FBXO32: variants seen among roughly 807,000 people sequenced by gnomAD.
The protein encoded by FBXO32 is F-box protein 32.
A neutral mutation model predicts 48.3 loss-of-function variants in FBXO32; 15 were observed. The observed-to-expected ratio is 0.31, with a 90% CI of 0.21 to 0.48. The LOEUF is 0.48. FBXO32 is among the 20% of genes least tolerant of loss of function. The probability of loss-of-function intolerance (pLI) is 0.99; values close to 1 mark genes in which losing one functional copy is unlikely to be tolerated. For missense variants in FBXO32, 309 were observed against 432.7 expected (o/e 0.71, Z 2.54); for synonymous variants, 154 against 165.9 (o/e 0.93, Z 0.55).
At chr8:123,533,914 G>A (rs1056303490) in intron 2 of FBXO32, among the ~76,000 whole-genome samples, 4 of 152,100 alleles carry the variant, frequency 2.6e-5, no homozygotes, top group Non-Finnish European at 2.9e-5. Context: ...GCAACATGGC[G>A]AAACCCTGTC....
rs369682668 is a variant in FBXO32 at position 123,534,817 on chromosome 8, A to G, written c.117-3T>C. On this transcript the variant is annotated splice_polypyrimidine_tract_variant and splice_region_variant and intron_variant, in intron 1 of 8. Coordinates refer to ENST00000517956, the MANE Select transcript of FBXO32 (RefSeq NM_058229.4). ...TGTATACCTCCTTGTTGCAGTAACT[A>G]TGAATAACAGAAGACAAAGAGGATG... The G allele has an allele frequency of 1.3e-5, 21 of 1,588,482 alleles. No homozygotes were observed. In the African/African-American group the frequency reaches 2.4e-4, roughly 18 times the overall value.
intron 1 of FBXO32, among the ~76,000 whole-genome samples, chr8:123,535,172 G>A (rs1175916814): frequency 2.6e-5 from 4 of 152,008 alleles, no homozygotes; most frequent in Non-Finnish European, 5.9e-5. Context: ...GGGGAGGGGT[G>A]ATTACTGGTA....
At position 123,513,369 on chromosome 8, in the gene FBXO32, C is replaced by A; in HGVS notation, c.480G>T (p.Gln160His). Residue 160 changes from glutamine to histidine, a missense_variant, in exon 6 of 9, where the codon CAG becomes CAT. Physicochemically the swap from Gln to His is conservative, Grantham distance 24 (BLOSUM62 0). Coordinates refer to ENST00000517956, the MANE Select transcript of FBXO32 (RefSeq NM_058229.4). The surrounding 1 kb of genome is among the most constrained non-coding windows in gnomAD (Gnocchi z 4.3). ...EKVVLKVLED[Q>H]QNIRLIRELL... Reference sequence around the variant, plus strand: ...GTTCCCTTATTAGTCTAATGTTTTGCTGGTCTTCAAGGACTTGAGTAGGGA... The same window carrying A: ...GTTCCCTTATTAGTCTAATGTTTTGATGGTCTTCAAGGACTTGAGTAGGGA... 2.5e-6 allele frequency: 4 copies of A among 1,613,818 alleles called. No individual in the cohort carries two copies. The highest frequency in any genetic ancestry group is 3.4e-6 in the Non-Finnish European group (4 of 1,179,782).
chr8:123,534,649 A>G (rs1817276075), intron 2 of FBXO32, 53 bp downstream of exon 2: 1 of 1,199,482 alleles, frequency 8.3e-7, no homozygotes, highest in African/African-American at 1.5e-5. Flanking sequence ...CCAAGAACCA[A>G]TCATAACTAT....
chr8:123,536,067 C>T (rs933196986), intron 1 of FBXO32, among the ~76,000 whole-genome samples: 1 of 152,140 alleles, frequency 6.6e-6, no homozygotes, highest in Middle Eastern at 3.2e-3. Context: ...AGTAGCACTT[C>T]GGTTAGTATA....
At chr8:123,516,810 TA>T (rs1816848741) in intron 4 of FBXO32, among the ~76,000 whole-genome samples, 1 of 151,992 alleles carries the variant, frequency 6.6e-6, no homozygotes, top group Admixed American at 6.6e-5. Context: ...TTGTTGCAAT[TA>T]GTACTGGTGA....
rs1178527213 is a variant in FBXO32, at chr8:123,530,899, G to A, written c.372+999C>T. Among the ~76,000 whole-genome samples, 7 of 149,834 alleles carry A rather than the reference G, an allele frequency of 4.7e-5. No individual in the cohort carries two copies. The East Asian group carries it at 1.4e-3, about 30-fold the overall frequency. Reference sequence around the variant, plus strand: ...CCCAAAGTGCTGGGATTACAGGCGTGAGCCAATGCACCCAGCCTTTTTTTT... The same window carrying A: ...CCCAAAGTGCTGGGATTACAGGCGTAAGCCAATGCACCCAGCCTTTTTTTT... On this transcript the variant is annotated intron_variant, in intron 4 of 8. Transcript: ENST00000517956.
chr8:123,524,218 C>A (rs1199552653), intron 4 of FBXO32, among the ~76,000 whole-genome samples: 1 of 152,152 alleles, frequency 6.6e-6, no homozygotes, highest in African/African-American at 2.4e-5. Context: ...TTTCAGGTGG[C>A]CTCCTTTTTC....
At position 123,498,820 on chromosome 8, in the gene FBXO32, A is replaced by T. The variant is rs1377309463; in HGVS notation, c.*4553T>A. ...TGTCAAAATATGCTGCTTTCTTTAT[A>T]GCAAGCAGGTTGTACTCACTGGAAT... On this transcript the variant is annotated 3_prime_UTR_variant, in exon 9 of 9. Coordinates refer to ENST00000517956, the MANE Select transcript of FBXO32 (RefSeq NM_058229.4). The T allele has an allele frequency of 6.6e-6, 1 of 152,244 alleles. No homozygotes were observed. Among genetic ancestry groups the T allele is most frequent in the East Asian group, 1.9e-4 (1 of 5,204 alleles). 9.4% of individuals were successfully genotyped at this position (152,244 alleles called of 1,614,324 possible). A position where few individuals can be genotyped will look rare whatever the true frequency, so the allele number is the denominator to read the frequency against.
At chr8:123,518,050 A>G (rs1816875171) in intron 4 of FBXO32, among the ~76,000 whole-genome samples, 1 of 152,162 alleles carries the variant, frequency 6.6e-6, no homozygotes, top group African/African-American at 2.4e-5. Context: ...ATGAGTGGGC[A>G]TGGGTGTATT....
intron 1 of FBXO32, 88 bp from the exon 2 acceptor site, chr8:123,534,902 GACAA>G (rs1817281147): frequency 1.4e-6 from 1 of 740,580 alleles, no homozygotes; most frequent in South Asian, 2.0e-5. Context: ...TGAGTTATAA[GACAA>G]ACAAACATAC....
At chr8:123,529,229 C>T (rs1284516740) in intron 4 of FBXO32, among the ~76,000 whole-genome samples, 1 of 152,190 alleles carries the variant, frequency 6.6e-6, no homozygotes, top group African/African-American at 2.4e-5. Flanking sequence ...GCAAAGCGCT[C>T]ATGATGTATT....
chr8:123,537,065 GTTTA>G (rs1817322982), intron 1 of FBXO32, among the ~76,000 whole-genome samples: 1 of 152,298 alleles, frequency 6.6e-6, no homozygotes, highest in African/African-American at 2.4e-5. Context: ...GGGCTATGGG[GTTTA>G]TTTGTGTTGC....
In FBXO32 at chr8:123,502,160, C is replaced by T. The variant is rs3739284; in HGVS notation, c.*1213G>A. 95,794 of 152,102 alleles carry T rather than the reference C, an allele frequency of 0.63. 33,453 individuals carry two copies. Among genetic ancestry groups the T allele is most frequent in the South Asian group, 0.8 (3,842 of 4,822 alleles). 9.4% of individuals were successfully genotyped at this position (152,102 alleles called of 1,614,324 possible). On this transcript the variant is annotated 3_prime_UTR_variant, in exon 9 of 9. Coordinates refer to ENST00000517956, the MANE Select transcript of FBXO32 (RefSeq NM_058229.4). ...ATCACCTTTGCAAAAAGCCCTAGCT[C>T]AGATGGACTCATTTTGATGTTGGAC...
Position 123,525,203 on chromosome 8 carries a change from A to G in FBXO32, c.372+6695T>C, listed in dbSNP as rs1229785018. On this transcript the variant is annotated intron_variant, in intron 4 of 8. Coordinates refer to ENST00000517956, the MANE Select transcript of FBXO32 (RefSeq NM_058229.4). This position sits in a 1 kb window ranked among gnomAD's most constrained non-coding sequence, Gnocchi z 4.3. ...TTTCAGGGGTGGTAGGAATGCAGTA[A>G]CTTGCTGGAAACATTCAAATGCACT... Among the ~76,000 whole-genome samples, 1 of 152,228 alleles carries G rather than the reference A, an allele frequency of 6.6e-6. No individual in the cohort carries two copies. The highest frequency in any genetic ancestry group is 2.4e-5 in the African/African-American group (1 of 41,462).
intron 8 of FBXO32, 98 bp downstream of exon 8, chr8:123,504,505 GA>G (rs1208244989): frequency 8.8e-7 from 1 of 1,137,148 alleles, no homozygotes; most frequent in Admixed American, 2.9e-5. Context: ...CTGTGATGGG[GA>G]AGAGGCGGAA....
intron 4 of FBXO32, among the ~76,000 whole-genome samples, chr8:123,519,134 T>G (rs1816897669): frequency 6.6e-6 from 1 of 152,172 alleles, no homozygotes; most frequent in African/African-American, 2.4e-5. Flanking sequence ...AGAACATATA[T>G]TCTGACAGTT....
Position 123,498,683 on chromosome 8 carries a change from C to T in FBXO32, c.*4690G>A, listed in dbSNP as rs1816411477. ...TCTGAGTCTAGGGGAGAGGAAACACCTGCTTCGGAATCTCAGTTTCTAGGG... is the reference window on the plus strand; with the variant it reads ...TCTGAGTCTAGGGGAGAGGAAACACTTGCTTCGGAATCTCAGTTTCTAGGG... On this transcript the variant is annotated 3_prime_UTR_variant, in exon 9 of 9. Coordinates refer to ENST00000517956, the MANE Select transcript of FBXO32 (RefSeq NM_058229.4). The T allele has an allele frequency of 6.6e-6, 1 of 152,140 alleles. No individual in the cohort carries two copies. Among genetic ancestry groups the T allele is most frequent in the African/African-American group, 2.4e-5 (1 of 41,434 alleles). The allele number at this position is 152,140 out of a possible 1,614,324, so 9.4% of individuals were successfully genotyped here.
chr8:123,514,935 T>A (rs1360394053), intron 4 of FBXO32, among the ~76,000 whole-genome samples: 1 of 152,214 alleles, frequency 6.6e-6, no homozygotes, highest in African/African-American at 2.4e-5. Flanking sequence ...GGGATGTATT[T>A]TATATGATGT....
Sources: allele counts gnomAD v4.1 joint callset (sites outside exome capture counted in the v4.1 genomes callset), GRCh38; gene constraint gnomAD v4.1.1; non-coding constraint Gnocchi (gnomAD v3.1); transcripts MANE v1.5; gene names NCBI Gene and HGNC (gene_info 2026-07-23, HGNC 2026-07-21).